OLFM2: variants seen among roughly 807,000 people sequenced by gnomAD.
OLFM2 encodes the protein olfactomedin 2.
Under a neutral mutation model 43.9 loss-of-function variants are expected in OLFM2, and 20 were observed. The observed-to-expected ratio is 0.46, with a 90% CI of 0.32 to 0.66. The LOEUF (loss-of-function observed/expected upper bound fraction) is 0.66, where lower values mean the gene tolerates loss of function less well. Ranked by LOEUF, OLFM2 falls within the 30% of genes least tolerant of loss-of-function variation. OLFM2 has a pLI of 0.04. For synonymous variants in OLFM2, 268 were observed against 278.6 expected, an observed-to-expected ratio of 0.96 and a Z score of 0.38; for missense variants, 416 against 643.6, an observed-to-expected ratio of 0.65 and a Z score of 3.83.
chr19:9,930,242 G>C (rs960503558), intron 1 of OLFM2, among the ~76,000 whole-genome samples: 1 of 152,296 alleles, frequency 6.6e-6, no homozygotes, highest in Admixed American at 6.5e-5. Flanking sequence ...GGCAAGTTAT[G>C]CAAGTGCAGA....
chr19:9,935,858 C>T lies in OLFM2; in HGVS notation c.63+446G>A, dbSNP rs974601999. Among the ~76,000 whole-genome samples the T allele has an allele frequency of 2.0e-5, 3 of 152,150 alleles. No individual in the cohort carries two copies. In the East Asian group the frequency reaches 5.8e-4, roughly 29 times the overall value. On this transcript the variant is annotated intron_variant, in intron 1 of 5. Transcript: ENST00000264833. ...ATTTCACACGCGTCCCCGTCAGTCA[C>T]TCTCACGTGAGTCCCGTCCCCTGCC... is the stretch of plus-strand genomic sequence containing the variant.
intron 1 of OLFM2, among the ~76,000 whole-genome samples, chr19:9,902,026 CTA>C (rs146963521): frequency 1.4e-3 from 215 of 149,796 alleles, no homozygotes; most frequent in Middle Eastern, 6.9e-3. Flanking sequence ...TATATACTGA[CTA>C]TATATATATA....
intron 1 of OLFM2, among the ~76,000 whole-genome samples, chr19:9,905,064 G>A (rs1381625110): frequency 6.6e-6 from 1 of 152,046 alleles, no homozygotes; most frequent in Non-Finnish European, 1.5e-5. Context: ...GCTCATGGCT[G>A]TAATCCCAGC....
intron 1 of OLFM2, among the ~76,000 whole-genome samples, chr19:9,934,657 T>C (rs943063697): frequency 6.6e-6 from 1 of 152,162 alleles, no homozygotes; most frequent in Admixed American, 6.5e-5. Flanking sequence ...CAGGTGTGTC[T>C]CTTGGCTTCT....
In OLFM2 at chr19:9,857,025, G is replaced by A. The variant is rs534988302; in HGVS notation, c.581-112C>T. 1.4e-5 allele frequency: 14 copies of A among 983,648 alleles called. No individual in the cohort carries two copies. The South Asian group carries it at 1.5e-4, about 10-fold the overall frequency. The allele number at this position is 983,648 out of a possible 1,614,324, so 60.9% of individuals were successfully genotyped here. On this transcript the variant is annotated intron_variant, in intron 4 of 5. Coordinates refer to ENST00000264833, the MANE Select transcript of OLFM2 (RefSeq NM_058164.4). This position sits in a 1 kb window ranked among gnomAD's most constrained non-coding sequence, Gnocchi z 5.7. ...GGGAAAGCTGGGACCAGGGATGAGG[G>A]AAGACTCAAAAATCTGGTCCCAATA...
intron 1 of OLFM2, among the ~76,000 whole-genome samples, chr19:9,900,345 T>C (rs1432014645): frequency 6.6e-6 from 1 of 151,966 alleles, no homozygotes. Flanking sequence ...CGGAGCTGCA[T>C]CAGTGGATGA....
intron 1 of OLFM2, among the ~76,000 whole-genome samples, chr19:9,916,138 C>T (rs894624791): frequency 1.3e-5 from 2 of 152,266 alleles, no homozygotes; most frequent in African/African-American, 2.4e-5. Flanking sequence ...GGGTGGATCA[C>T]TTGAGGCCAG....
At chr19:9,881,132 A>T (rs2046536575) in intron 1 of OLFM2, among the ~76,000 whole-genome samples, 1 of 152,170 alleles carries the variant, frequency 6.6e-6, no homozygotes, top group Non-Finnish European at 1.5e-5. Flanking sequence ...CCTGACCTCA[A>T]GTGATCTGCC....
intron 1 of OLFM2, among the ~76,000 whole-genome samples, chr19:9,896,378 C>T (rs1453429765): frequency 6.6e-6 from 1 of 151,908 alleles, no homozygotes; most frequent in Non-Finnish European, 1.5e-5. Context: ...GGATTACAGG[C>T]GTGAGCCACA....
intron 1 of OLFM2, among the ~76,000 whole-genome samples, chr19:9,864,787 C>T (rs1260530569): frequency 4.1e-5 from 4 of 97,600 alleles, no homozygotes; most frequent in African/African-American, 4.1e-5. Flanking sequence ...ACACACCCAG[C>T]TTTTTTTTTT....
intron 1 of OLFM2, among the ~76,000 whole-genome samples, chr19:9,935,690 C>T (rs1013137552): frequency 6.6e-6 from 1 of 152,174 alleles, no homozygotes; most frequent in Non-Finnish European, 1.5e-5. Flanking sequence ...CACGGTCACA[C>T]ACAGACTCTG....
chr19:9,856,872 G>T lies in OLFM2; in HGVS notation c.622C>A (p.Arg208=). ...GAGCCGAAGCGGGACCCCATGGCCC[G>T]AACGGTGATGGGGTTACTGACCCCG... is the stretch of plus-strand genomic sequence containing the variant. ...LTGVSNPITV[R]AMGSRFGSWM... Residue 208 remains arginine, a synonymous_variant, in exon 5 of 6, where the codon CGG becomes AGG. Coordinates refer to ENST00000264833, the MANE Select transcript of OLFM2 (RefSeq NM_058164.4). The surrounding 1 kb of genome is among the most constrained non-coding windows in gnomAD (Gnocchi z 4.0). The T allele has an allele frequency of 2.5e-6, 4 of 1,613,240 alleles. No individual in the cohort carries two copies. The highest frequency in any genetic ancestry group is 3.4e-6 in the Non-Finnish European group (4 of 1,179,698).
chr19:9,931,348 C>G (rs1253739625), intron 1 of OLFM2, among the ~76,000 whole-genome samples: 1 of 152,126 alleles, frequency 6.6e-6, no homozygotes, highest in African/African-American at 2.4e-5. Flanking sequence ...CTCCTGGGCT[C>G]AAGTGATCTT....
chr19:9,922,161 TGAAAA>T (rs1482156795), intron 1 of OLFM2, among the ~76,000 whole-genome samples: 13 of 150,758 alleles, frequency 8.6e-5, no homozygotes, highest in Non-Finnish European at 1.5e-4. Flanking sequence ...ACTAAGAGAA[TGAAAA>T]GAAAAGCTAC....
chr19:9,909,726 C>T (rs1358326207), intron 1 of OLFM2, among the ~76,000 whole-genome samples: 1 of 152,194 alleles, frequency 6.6e-6, no homozygotes, highest in East Asian at 1.9e-4. Context: ...TCCTCCTAAC[C>T]GAACACCTAC....
In OLFM2 at chr19:9,879,299, ATTTT is replaced by A. The variant is rs2046519053; in HGVS notation, c.64-18509_64-18506del. ...AGGCATGCGCCACCACGCCTGGCTAATTTTGTATTTTTAGTAGAGACGGGGTTTC... is the reference window on the plus strand; with the variant it reads ...AGGCATGCGCCACCACGCCTGGCTAAGTATTTTTAGTAGAGACGGGGTTTC... On this transcript the variant is annotated intron_variant, in intron 1 of 5. Transcript: ENST00000264833. Among the ~76,000 whole-genome samples the A allele has an allele frequency of 2.6e-5, 4 of 151,148 alleles. No homozygotes were observed. The East Asian group carries it at 5.9e-4, about 22-fold the overall frequency.
chr19:9,915,562 G>A (rs914599588), intron 1 of OLFM2, among the ~76,000 whole-genome samples: 2 of 151,892 alleles, frequency 1.3e-5, no homozygotes, highest in African/African-American at 4.8e-5. Flanking sequence ...CTGTCGCCCA[G>A]GCTGGAGTGC....
chr19:9,889,825 C>T (rs2046622346), intron 1 of OLFM2, among the ~76,000 whole-genome samples: 1 of 152,068 alleles, frequency 6.6e-6, no homozygotes, highest in South Asian at 2.1e-4. Flanking sequence ...TTGGATGGGG[C>T]TGGAGCTGCA....
In OLFM2 at chr19:9,936,434, C is replaced by G. The variant is rs1426956868; in HGVS notation, c.-68G>C. On this transcript the variant is annotated 5_prime_UTR_variant, in exon 1 of 6. Coordinates refer to ENST00000264833, the MANE Select transcript of OLFM2 (RefSeq NM_058164.4). The stretch of plus-strand genomic sequence containing the variant: ...CGGCGCCTCGGCGCGGGGACCGCCA[C>G]CAGGCGCGACCCCGCCCGCCCGGCC... 9.2e-7 allele frequency: 1 copy of G among 1,089,648 alleles called. No individual in the cohort carries two copies. Among genetic ancestry groups the G allele is most frequent in the Non-Finnish European group, 1.1e-6 (1 of 896,270 alleles). 67.5% of individuals were successfully genotyped at this position (1,089,648 alleles called of 1,614,324 possible). A position where few individuals can be genotyped will look rare whatever the true frequency, so the allele number is the denominator to read the frequency against.
Sources: allele counts gnomAD v4.1 joint callset (sites outside exome capture counted in the v4.1 genomes callset), GRCh38; gene constraint gnomAD v4.1.1; non-coding constraint Gnocchi (gnomAD v3.1); transcripts MANE v1.5; gene names NCBI Gene and HGNC (gene_info 2026-07-23, HGNC 2026-07-21).